The following GPHN variants were observed in gnomAD, a reference collection of about 807,000 sequenced individuals.
GPHN encodes gephyrin.
GPHN carries 17 observed loss-of-function variants against 95.5 expected under a neutral mutation model. The observed-to-expected ratio is 0.18, with a 90% CI of 0.12 to 0.27. The LOEUF is 0.27. Ranked by LOEUF, GPHN falls within the 10% of genes least tolerant of loss-of-function variation. The probability of loss-of-function intolerance (pLI) is 1.00; values close to 1 mark genes in which losing one functional copy is unlikely to be tolerated. For missense variants in GPHN, 660 were observed against 978.1 expected (o/e 0.67, Z 4.34); for synonymous variants, 320 against 322.5 (o/e 0.99, Z 0.08).
the GPHN span, among the ~76,000 whole-genome samples, chr14:67,219,624 T>C: frequency 6.6e-6 from 1 of 152,228 alleles, no homozygotes; most frequent in Non-Finnish European, 1.5e-5. Context: ...CAGCAGGTAC[T>C]GTTTCATTAG....
the GPHN span, among the ~76,000 whole-genome samples, chr14:67,594,281 C>G: frequency 2.0e-5 from 3 of 151,156 alleles, no homozygotes; most frequent in African/African-American, 7.3e-5. Context: ...CCCAGGAGTT[C>G]GAGGCTGCAG....
At chr14:67,513,129 T>C in the GPHN span, among the ~76,000 whole-genome samples, 1 of 152,184 alleles carries the variant, frequency 6.6e-6, no homozygotes, top group Non-Finnish European at 1.5e-5. Flanking sequence ...AGAGTATCAA[T>C]TTCCCATCTT....
At chr14:67,642,361 C>T in the GPHN span, 1 of 1,613,572 alleles carries the variant, frequency 6.2e-7, no homozygotes, top group Non-Finnish European at 8.5e-7. Context: ...GAGGAGACCA[C>T]AGGTAAGCTG....
the GPHN span, among the ~76,000 whole-genome samples, chr14:67,606,096 A>G: frequency 2.0e-5 from 3 of 152,208 alleles, no homozygotes; most frequent in African/African-American, 2.4e-5. Flanking sequence ...ACATTAATCT[A>G]CCATAGTTTA....
the GPHN span, among the ~76,000 whole-genome samples, chr14:67,293,931 A>G: frequency 6.6e-6 from 1 of 152,220 alleles, no homozygotes; most frequent in Non-Finnish European, 1.5e-5. Context: ...GCTCCAATTG[A>G]AAAAAGCTGA....
chr14:67,589,458 G>GTATT, the GPHN span: 1 of 985,292 alleles, frequency 1.0e-6, no homozygotes. Flanking sequence ...TAACAGAAAA[G>GTATT]TATTAATGTG....
the GPHN span, among the ~76,000 whole-genome samples, chr14:67,632,793 GAATTAAGCCTCTT>G: frequency 1.4e-5 from 2 of 142,674 alleles, no homozygotes; most frequent in Non-Finnish European, 3.1e-5. Flanking sequence ...TCAACAGGGA[GAATTAAGCCTCTT>G]AATTTTTTTT....
At chr14:66,666,250 TAAA>T (rs565269684) in intron 1 of GPHN, among the ~76,000 whole-genome samples, 1 of 150,344 alleles carries the variant, frequency 6.7e-6, no homozygotes, top group African/African-American at 2.4e-5. Flanking sequence ...TAAAGTATAA[TAAA>T]AATATATATA....
chr14:66,998,904 T>TAC (rs1434253109), intron 9 of GPHN, among the ~76,000 whole-genome samples: 14 of 143,778 alleles, frequency 9.7e-5, no homozygotes, highest in Non-Finnish European at 1.3e-4. Flanking sequence ...TATATATATA[T>TAC]ACACATATAT....
the GPHN span, among the ~76,000 whole-genome samples, chr14:67,518,069 T>C: frequency 7.1e-4 from 108 of 152,344 alleles, 1 homozygote; most frequent in African/African-American, 2.6e-3. Context: ...AGGGTGACCC[T>C]GGGTGCAGGA....
At chr14:67,647,225 T>C in the GPHN span, 8 of 488,838 alleles carry the variant, frequency 1.6e-5, no homozygotes, top group African/African-American at 7.9e-5. Flanking sequence ...CTCTAAATCA[T>C]TGCCTAGATC....
the GPHN span, among the ~76,000 whole-genome samples, chr14:67,530,037 C>T: frequency 4.6e-5 from 7 of 152,126 alleles, no homozygotes; most frequent in East Asian, 1.3e-3. Flanking sequence ...TTCTAGAAGG[C>T]TCGTACAAGG....
At chr14:66,961,742 A>T (rs2068914218) in intron 8 of GPHN, among the ~76,000 whole-genome samples, 4 of 150,986 alleles carry the variant, frequency 2.6e-5, no homozygotes, top group Non-Finnish European at 5.9e-5. Flanking sequence ...AATTTTTTTA[A>T]ATGAATAATA....
intron 5 of GPHN, among the ~76,000 whole-genome samples, chr14:66,891,820 C>T (rs1443031537): frequency 2.6e-5 from 4 of 151,570 alleles, no homozygotes; most frequent in African/African-American, 4.8e-5. Context: ...AGGCAGAAGA[C>T]TCAAATAGAT....
chr14:66,599,479 G>A (rs1426930609), intron 1 of GPHN, among the ~76,000 whole-genome samples: 1 of 138,150 alleles, frequency 7.2e-6, no homozygotes, highest in African/African-American at 2.9e-5. Flanking sequence ...TAACTAAGCA[G>A]GTTTTTTTGG....
At chr14:67,099,173 G>A (rs1395922466) in intron 12 of GPHN, among the ~76,000 whole-genome samples, 8 of 150,374 alleles carry the variant, frequency 5.3e-5, no homozygotes, top group East Asian at 3.9e-4. Context: ...GCAATGGCAC[G>A]ATCTCAGCTC....
At chr14:66,526,502 A>G (rs903285456) in intron 1 of GPHN, among the ~76,000 whole-genome samples, 6 of 152,212 alleles carry the variant, frequency 3.9e-5, no homozygotes, top group Non-Finnish European at 7.3e-5. Context: ...CCTGGCCAGA[A>G]CTTTCAATAC....
At chr14:67,394,919 T>G in the GPHN span, among the ~76,000 whole-genome samples, 1 of 152,130 alleles carries the variant, frequency 6.6e-6, no homozygotes, top group Non-Finnish European at 1.5e-5. Flanking sequence ...TGTGATGCCC[T>G]GCACTGCCTC....
the GPHN span, among the ~76,000 whole-genome samples, chr14:67,408,721 C>G: frequency 6.6e-6 from 1 of 152,198 alleles, no homozygotes; most frequent in African/African-American, 2.4e-5. Flanking sequence ...AGAGGCAGCA[C>G]GGCCCTGGCA....
Sources: gnomAD v4.1 joint callset for allele counts (sites outside exome capture counted in the v4.1 genomes callset) on GRCh38, gnomAD v4.1.1 for gene constraint, MANE v1.5 for transcripts, NCBI Gene and HGNC (gene_info 2026-07-23, HGNC 2026-07-21) for gene names.